Variants in UBAC2 observed in about 807,000 individuals in gnomAD.
UBAC2 encodes UBA domain containing 2.
Under a neutral mutation model 44.0 loss-of-function variants are expected in UBAC2, and 26 were observed. The observed-to-expected ratio is 0.59, with a 90% CI of 0.43 to 0.82. The LOEUF (loss-of-function observed/expected upper bound fraction) is 0.82. UBAC2 is among the 40% of genes least tolerant of loss of function. The probability of loss-of-function intolerance (pLI) is 0.00; values close to 1 mark genes in which losing one functional copy is unlikely to be tolerated. For missense variants in UBAC2, 329 were observed against 419.4 expected, an observed-to-expected ratio of 0.78 and a Z score of 1.88; for synonymous variants, 155 against 154.3, an observed-to-expected ratio of 1.00 and a Z score of -0.04.
intron 4 of UBAC2, chr13:99,294,629 G>A (rs2044140584): frequency 6.5e-6 from 1 of 154,328 alleles, no homozygotes; most frequent in Non-Finnish European, 1.4e-5. Context: ...GTGTTATTGA[G>A]GGAATTAAAT....
chr13:99,220,645 C>T (rs1359627215), intron 1 of UBAC2, among the ~76,000 whole-genome samples: 1 of 152,112 alleles, frequency 6.6e-6, no homozygotes, highest in Non-Finnish European at 1.5e-5. Context: ...TTTGTAGCAT[C>T]CCTGTTTTCA....
At chr13:99,242,708 C>T (rs368541419) in intron 2 of UBAC2, among the ~76,000 whole-genome samples, 10,505 of 135,728 alleles carry the variant, frequency 0.077, 509 homozygotes, top group East Asian at 0.11. Context: ...CCCTCCCCGA[C>T]GGGGCGGCTG....
At chr13:99,212,298 G>A (rs1460687440) in intron 1 of UBAC2, among the ~76,000 whole-genome samples, 1 of 152,168 alleles carries the variant, frequency 6.6e-6, no homozygotes, top group Non-Finnish European at 1.5e-5. Context: ...ACTATGAGGA[G>A]CTCCTGAAGT....
intron 1 of UBAC2, among the ~76,000 whole-genome samples, chr13:99,209,075 C>T (rs1448752649): frequency 1.3e-5 from 2 of 152,220 alleles, no homozygotes; most frequent in African/African-American, 2.4e-5. Flanking sequence ...ACTGCGTGTT[C>T]CTTGCCCTGG....
chr13:99,295,553 A>C lies in UBAC2; in HGVS notation c.390-18544A>C, dbSNP rs2044157389. 1 of 1,613,882 alleles carries C rather than the reference A, an allele frequency of 6.2e-7. No homozygotes were observed. The highest frequency in any genetic ancestry group is 1.7e-5 in the Admixed American group (1 of 59,988). On this transcript the variant is annotated intron_variant, in intron 4 of 8. Transcript: ENST00000403766. This position sits in a 1 kb window ranked among gnomAD's most constrained non-coding sequence, Gnocchi z 4.1. Reference sequence around the variant, plus strand: ...TACATATCCTATGAAACATGCCCCAAGCAGAATCCAGGGAAGAGATTTAGT... The same window carrying C: ...TACATATCCTATGAAACATGCCCCACGCAGAATCCAGGGAAGAGATTTAGT...
At chr13:99,219,219 G>A (rs1301699242) in intron 1 of UBAC2, among the ~76,000 whole-genome samples, 1 of 152,140 alleles carries the variant, frequency 6.6e-6, no homozygotes, top group East Asian at 1.9e-4. Flanking sequence ...AGAGTTTCTG[G>A]GTTGCTCCCC....
At chr13:99,343,629 T>C (rs1367505387) in intron 7 of UBAC2, among the ~76,000 whole-genome samples, 1 of 152,250 alleles carries the variant, frequency 6.6e-6, no homozygotes, top group East Asian at 1.9e-4. Flanking sequence ...TTGAGTGGTC[T>C]GCTGGGCAGC....
chr13:99,237,889 A>G (rs564223870), intron 1 of UBAC2, among the ~76,000 whole-genome samples: 24 of 152,292 alleles, frequency 1.6e-4, no homozygotes, highest in African/African-American at 5.3e-4. Flanking sequence ...TGGGAGGTGG[A>G]GGTTGCAGTG....
intron 8 of UBAC2, among the ~76,000 whole-genome samples, chr13:99,376,261 G>C (rs1295303034): frequency 6.6e-6 from 1 of 152,168 alleles, no homozygotes; most frequent in African/African-American, 2.4e-5. Flanking sequence ...TTTCTGTCAT[G>C]CTCCCCTGCC....
At chr13:99,288,665 A>G (rs2044051236) in intron 4 of UBAC2, among the ~76,000 whole-genome samples, 3 of 152,186 alleles carry the variant, frequency 2.0e-5, no homozygotes, top group Non-Finnish European at 2.9e-5. Flanking sequence ...TCATTTTGGA[A>G]AATAAATCCT....
chr13:99,357,762 C>T (rs967859588), intron 7 of UBAC2, among the ~76,000 whole-genome samples: 12 of 152,344 alleles, frequency 7.9e-5, no homozygotes, highest in African/African-American at 2.9e-4. Flanking sequence ...TAACCCCTCT[C>T]ACCCCTTCCA....
intron 4 of UBAC2, chr13:99,307,529 A>G (rs1177101791): frequency 6.6e-6 from 1 of 150,520 alleles, no homozygotes; most frequent in Non-Finnish European, 1.5e-5. Flanking sequence ...ACGTGTGTGC[A>G]CTTTGTGTTT....
At chr13:99,317,552 G>C (rs1005885978) in intron 5 of UBAC2, among the ~76,000 whole-genome samples, 1 of 152,176 alleles carries the variant, frequency 6.6e-6, no homozygotes, top group Non-Finnish European at 1.5e-5. Flanking sequence ...ACCTAAGTAG[G>C]CTGGCAGGGT....
At position 99,385,560 on chromosome 13, in the gene UBAC2, G is replaced by T; in HGVS notation, c.*225G>T. The T allele has an allele frequency of 2.0e-6, 1 of 502,460 alleles. No homozygotes were observed. The highest frequency in any genetic ancestry group is 3.6e-6 in the Non-Finnish European group (1 of 278,544). 31.1% of individuals were successfully genotyped at this position (502,460 alleles called of 1,614,324 possible). ...ATTTTCTATCTATATTTTTTATTGGGCATTTTCCCTAGGTTGGAGAGTCAG... is the reference window on the plus strand; with the variant it reads ...ATTTTCTATCTATATTTTTTATTGGTCATTTTCCCTAGGTTGGAGAGTCAG... On this transcript the variant is annotated 3_prime_UTR_variant, in exon 9 of 9. Coordinates refer to ENST00000403766, the MANE Select transcript of UBAC2 (RefSeq NM_001144072.2).
chr13:99,355,707 AAAAC>A (rs2045169451), intron 7 of UBAC2, among the ~76,000 whole-genome samples: 1 of 152,266 alleles, frequency 6.6e-6, no homozygotes, highest in Non-Finnish European at 1.5e-5. Flanking sequence ...TCACGTTTTC[AAAAC>A]AAACGAGAGC....
chr13:99,288,771 A>G (rs576761447), intron 4 of UBAC2, among the ~76,000 whole-genome samples: 115 of 152,358 alleles, frequency 7.5e-4, no homozygotes, highest in African/African-American at 2.5e-3. Flanking sequence ...TTGCTGCCTA[A>G]CAAATTATGA....
chr13:99,349,828 G>A (rs2045053275), intron 7 of UBAC2, among the ~76,000 whole-genome samples: 1 of 152,206 alleles, frequency 6.6e-6, no homozygotes, highest in Non-Finnish European at 1.5e-5. Flanking sequence ...GAGGGGTTTA[G>A]GACTTCGGAT....
chr13:99,307,718 G>C (rs2044357104), intron 4 of UBAC2, among the ~76,000 whole-genome samples: 2 of 152,228 alleles, frequency 1.3e-5, no homozygotes, highest in South Asian at 4.1e-4. Flanking sequence ...CCAAAAAAAA[G>C]ACCAAGTTAC....
intron 8 of UBAC2, among the ~76,000 whole-genome samples, chr13:99,379,956 C>T (rs1381827399): frequency 3.9e-5 from 6 of 152,224 alleles, no homozygotes; most frequent in Non-Finnish European, 7.3e-5. Flanking sequence ...GTTTTGGCCC[C>T]ATGCAGGTCA....
Sources: gnomAD v4.1 joint callset for allele counts (sites outside exome capture counted in the v4.1 genomes callset) on GRCh38, gnomAD v4.1.1 for gene constraint, Gnocchi (gnomAD v3.1) non-coding constraint, MANE v1.5 for transcripts, NCBI Gene and HGNC (gene_info 2026-07-23, HGNC 2026-07-21) for gene names.